ANKS1B: variants seen among roughly 807,000 people sequenced by gnomAD.
ANKS1B encodes ankyrin repeat and sterile alpha motif domain-containing protein 1B.
A neutral mutation model predicts 148.3 loss-of-function variants in ANKS1B; 36 were observed. The observed-to-expected ratio is 0.24, with a 90% confidence interval of 0.19 to 0.32. The LOEUF is 0.32. Among genes scored for constraint, ANKS1B ranks in the 10% least tolerant of loss-of-function variants. The pLI, the probability that ANKS1B is intolerant of heterozygous loss-of-function variation, is 1.00. For missense variants in ANKS1B, 1,157 were observed against 1,542.6 expected (o/e 0.75, Z 4.19); for synonymous variants, 542 against 560.8 (o/e 0.97, Z 0.47).
At chr12:99,239,108 A>G (rs2088676112) in intron 14 of ANKS1B, among the ~76,000 whole-genome samples, 1 of 152,142 alleles carries the variant, frequency 6.6e-6, no homozygotes, top group Non-Finnish European at 1.5e-5. Context: ...GGTTGGAATA[A>G]CAAACTCCTC....
intron 1 of ANKS1B, among the ~76,000 whole-genome samples, chr12:99,962,810 CTTTTT>C (rs1010885602): frequency 9.9e-5 from 12 of 120,714 alleles, no homozygotes; most frequent in Non-Finnish European, 8.7e-5. Context: ...TGATGTTGAG[CTTTTT>C]TTTTTTTTTT....
At chr12:99,981,570 A>G (rs2095702725) in intron 1 of ANKS1B, among the ~76,000 whole-genome samples, 1 of 152,108 alleles carries the variant, frequency 6.6e-6, no homozygotes, top group Non-Finnish European at 1.5e-5. Context: ...ATACCTTTAA[A>G]CTTTTGTGAA....
intron 16 of ANKS1B, among the ~76,000 whole-genome samples, chr12:99,077,340 G>T (rs1299213421): frequency 6.6e-6 from 1 of 152,096 alleles, no homozygotes; most frequent in African/African-American, 2.4e-5. Flanking sequence ...TTTAAGACAT[G>T]CAATAAAAAG....
At chr12:99,392,995 T>C (rs2152556698) in intron 12 of ANKS1B, among the ~76,000 whole-genome samples, 1 of 152,238 alleles carries the variant, frequency 6.6e-6, no homozygotes, top group East Asian at 1.9e-4. Context: ...ACACCAAATA[T>C]CTTTGAATTA....
At chr12:99,123,459 T>C (rs189132316) in intron 15 of ANKS1B, among the ~76,000 whole-genome samples, 1 of 151,940 alleles carries the variant, frequency 6.6e-6, no homozygotes, top group Admixed American at 6.6e-5. Flanking sequence ...CAGAACTAAG[T>C]GGATAGATGA....
intron 9 of ANKS1B, among the ~76,000 whole-genome samples, chr12:99,520,223 A>G (rs906090456): frequency 6.6e-6 from 1 of 152,194 alleles, no homozygotes; most frequent in African/African-American, 2.4e-5. Flanking sequence ...TTTCAGATTT[A>G]AGAACTCCCT....
chr12:98,862,794 A>G (rs1244684118), intron 17 of ANKS1B, among the ~76,000 whole-genome samples: 1 of 152,224 alleles, frequency 6.6e-6, no homozygotes, highest in Non-Finnish European at 1.5e-5. Context: ...GCTGTTCAGG[A>G]CAATCTTGCT....
chr12:99,011,697 A>G (rs56300659), intron 17 of ANKS1B, among the ~76,000 whole-genome samples: 5,224 of 152,296 alleles, frequency 0.034, 324 homozygotes, highest in African/African-American at 0.12. Flanking sequence ...AAATCAACCA[A>G]TAGAAAAACA....
intron 10 of ANKS1B, among the ~76,000 whole-genome samples, chr12:99,475,421 C>A (rs951511391): frequency 6.6e-6 from 1 of 151,492 alleles, no homozygotes; most frequent in East Asian, 1.9e-4. Flanking sequence ...ATTCTTTCAA[C>A]AGAGTGATAA....
At chr12:99,532,076 C>A (rs1320519477) in intron 9 of ANKS1B, among the ~76,000 whole-genome samples, 1 of 151,528 alleles carries the variant, frequency 6.6e-6, no homozygotes, top group African/African-American at 2.4e-5. Context: ...GTTTGAGTTC[C>A]TTATAGATTC....
chr12:99,347,413 A>G (rs1055331287), intron 12 of ANKS1B, among the ~76,000 whole-genome samples: 1 of 151,966 alleles, frequency 6.6e-6, no homozygotes, highest in African/African-American at 2.4e-5. Flanking sequence ...AGAAGATCCT[A>G]AAGTCTCACC....
intron 1 of ANKS1B, among the ~76,000 whole-genome samples, chr12:99,896,947 T>A (rs2153752480): frequency 6.6e-6 from 1 of 151,442 alleles, no homozygotes; most frequent in Admixed American, 6.6e-5. Context: ...TCTTCAATAT[T>A]TATAGTTGTT....
At chr12:99,679,313 T>C (rs11109990) in intron 8 of ANKS1B, among the ~76,000 whole-genome samples, 26,608 of 151,934 alleles carry the variant, frequency 0.18, 3,342 homozygotes, top group East Asian at 0.46. Context: ...TAAAGTTTTG[T>C]TGTTGTTTTG....
chr12:99,853,339 C>T (rs1487656834), intron 1 of ANKS1B, among the ~76,000 whole-genome samples: 2 of 152,134 alleles, frequency 1.3e-5, no homozygotes, highest in African/African-American at 4.8e-5. Context: ...GCTTTGCTCC[C>T]CTGCTACACC....
chr12:98,834,318 T>A (rs75317708), intron 17 of ANKS1B, among the ~76,000 whole-genome samples: 3,287 of 152,332 alleles, frequency 0.022, 69 homozygotes, highest in East Asian at 0.097. Flanking sequence ...ATTCCAGGTG[T>A]AAGTGAACCA....
chr12:99,429,030 G>T (rs2095315800), intron 11 of ANKS1B, among the ~76,000 whole-genome samples: 1 of 152,092 alleles, frequency 6.6e-6, no homozygotes, highest in African/African-American at 2.4e-5. Context: ...TAGGAAACAT[G>T]GGTCTCTGCA....
chr12:99,219,920 T>C (rs939689275), intron 14 of ANKS1B, among the ~76,000 whole-genome samples: 15 of 152,228 alleles, frequency 9.9e-5, no homozygotes, highest in Admixed American at 3.3e-4. Context: ...TGAGTGGTGT[T>C]CAAATATTTT....
chr12:98,858,157 C>T (rs1595654288), intron 17 of ANKS1B, among the ~76,000 whole-genome samples: 1 of 152,298 alleles, frequency 6.6e-6, no homozygotes, highest in East Asian at 1.9e-4. Flanking sequence ...CAGTTGGGAC[C>T]TACTCTATGT....
rs532072277 is a variant in ANKS1B at position 98,964,038 on chromosome 12, C to T, written c.2778+89119G>A. 5.3e-5 allele frequency among the ~76,000 whole-genome samples: 8 copies of T among 151,950 alleles called. No homozygotes were observed. The East Asian group carries it at 5.8e-4, about 11-fold the overall frequency. ...GCTTGAACCTGGGAGGTGGAGGTTG[C>T]GGTGAGTCGAGATCGTGCCATTGCA... On this transcript the variant is annotated intron_variant, in intron 17 of 26. Transcript: ENST00000683438.
Sources: allele counts gnomAD v4.1 joint callset (sites outside exome capture counted in the v4.1 genomes callset), GRCh38; gene constraint gnomAD v4.1.1; transcripts MANE v1.5; gene names NCBI Gene and HGNC (gene_info 2026-07-23, HGNC 2026-07-21).